PIK3R3: variants seen among roughly 807,000 people sequenced by gnomAD.
PIK3R3 encodes phosphoinositide-3-kinase regulatory subunit 3.
Under a neutral mutation model 62.9 loss-of-function variants are expected in PIK3R3, and 64 were observed. That is an observed-to-expected ratio of 1.02 (90% CI 0.83 to 1.25). The LOEUF (loss-of-function observed/expected upper bound fraction) is 1.25, where lower values mean the gene tolerates loss of function less well. Among genes scored for constraint, PIK3R3 ranks in the 50% most tolerant of loss-of-function variants. PIK3R3 has a pLI of 0.00. For missense variants in PIK3R3, 614 were observed against 561.6 expected, an observed-to-expected ratio of 1.09 and a Z score of -0.94; for synonymous variants, 165 against 189.0, an observed-to-expected ratio of 0.87 and a Z score of 1.04.
intron 7 of PIK3R3, among the ~76,000 whole-genome samples, chr1:46,049,707 G>A (rs576416964): frequency 1.3e-5 from 2 of 152,170 alleles, no homozygotes; most frequent in Non-Finnish European, 2.9e-5. Context: ...ACTTCAGGAT[G>A]ACATTCTTAC....
At chr1:46,110,275 CTTTTTT>C (rs35873858) in intron 1 of PIK3R3, among the ~76,000 whole-genome samples, 5 of 71,310 alleles carry the variant, frequency 7.0e-5, no homozygotes, top group African/African-American at 2.7e-4. Flanking sequence ...CCAGGCTTGG[CTTTTTT>C]TTTTTTTTTT....
At chr1:46,161,615 G>T in the PIK3R3 span, among the ~76,000 whole-genome samples, 2 of 151,934 alleles carry the variant, frequency 1.3e-5, no homozygotes, top group Non-Finnish European at 2.9e-5. Context: ...TGCACCTATA[G>T]TCCCAGCTAC....
intron 1 of PIK3R3, among the ~76,000 whole-genome samples, chr1:46,098,021 T>C (rs987475349): frequency 2.0e-5 from 3 of 151,566 alleles, no homozygotes; most frequent in South Asian, 2.1e-4. Context: ...AAAAAACTAC[T>C]AAAGCTAATA....
the PIK3R3 span, among the ~76,000 whole-genome samples, chr1:46,165,195 C>G: frequency 2.0e-5 from 3 of 152,058 alleles, no homozygotes; most frequent in Admixed American, 6.6e-5. Flanking sequence ...ACACATACCC[C>G]CAAACTAGGC....
chr1:46,071,650 C>A (rs1025139930), intron 3 of PIK3R3, among the ~76,000 whole-genome samples: 2 of 139,942 alleles, frequency 1.4e-5, no homozygotes, highest in African/African-American at 5.4e-5. Flanking sequence ...GCCAAGATTG[C>A]GCGCCATTAC....
At chr1:46,122,004 G>A (rs918558082) in intron 1 of PIK3R3, among the ~76,000 whole-genome samples, 2 of 151,958 alleles carry the variant, frequency 1.3e-5, no homozygotes, top group Non-Finnish European at 2.9e-5. Context: ...GGGAGGCTGA[G>A]GTGGGAAGGC....
At chr1:46,049,993 C>T (rs1287601522) in intron 7 of PIK3R3, among the ~76,000 whole-genome samples, 4 of 151,642 alleles carry the variant, frequency 2.6e-5, no homozygotes, top group African/African-American at 4.8e-5. Context: ...TGGTGGCGCA[C>T]GCCTGTAATC....
chr1:46,043,747 C>T lies in PIK3R3; in HGVS notation c.1312G>A (p.Val438Ile). 8 of 1,614,204 alleles carry T rather than the reference C, an allele frequency of 5.0e-6. No homozygotes were observed. The highest frequency in any genetic ancestry group is 6.8e-6 in the Non-Finnish European group (8 of 1,180,036). ...ACGTTGAGGGAGTCGTTGTGCTGAA[C>T]CAAGGATGTCTGCTGGTAATGGAGC... Reference protein sequence around the residue: ...LVLHYQQTSLVQHNDSLNVRL... With the variant: ...LVLHYQQTSLIQHNDSLNVRL... Residue 438 changes from valine to isoleucine, a missense_variant, in exon 10 of 10, where the codon GTT (valine) becomes ATT (isoleucine). Coordinates refer to ENST00000262741, the MANE Select transcript of PIK3R3 (RefSeq NM_003629.4).
At chr1:46,130,679 T>C (rs1021640014) in intron 1 of PIK3R3, among the ~76,000 whole-genome samples, 2 of 152,128 alleles carry the variant, frequency 1.3e-5, no homozygotes, top group African/African-American at 4.8e-5. Flanking sequence ...CTTTCAAACG[T>C]TTCCAAAAAT....
Position 46,090,492 on chromosome 1 carries a change from C to T in PIK3R3, c.107-9742G>A, listed in dbSNP as rs1047222025. Among the ~76,000 whole-genome samples, 22 of 152,062 alleles carry T rather than the reference C, an allele frequency of 1.4e-4. No individual in the cohort carries two copies. The South Asian group carries it at 4.6e-3, about 32-fold the overall frequency. ...AACTACAGGTGTGTGCCACCATGCC[C>T]GGCTAGTTTTTTTGTATTTTTAGTA... On this transcript the variant is annotated intron_variant, in intron 1 of 9. Coordinates refer to ENST00000262741, the MANE Select transcript of PIK3R3 (RefSeq NM_003629.4).
chr1:46,097,818 G>C (rs183399122), intron 1 of PIK3R3, among the ~76,000 whole-genome samples: 1 of 151,542 alleles, frequency 6.6e-6, no homozygotes. Flanking sequence ...GAACCCAGGA[G>C]GGGGAGGTTG....
chr1:46,080,091 T>G (rs2149413374), intron 2 of PIK3R3, among the ~76,000 whole-genome samples: 1 of 150,128 alleles, frequency 6.7e-6, no homozygotes. Flanking sequence ...AGACAGAGTC[T>G]CACTCTGTCG....
intron 2 of PIK3R3, among the ~76,000 whole-genome samples, chr1:46,078,845 G>A (rs183374927): frequency 3.0e-4 from 46 of 152,212 alleles, no homozygotes; most frequent in African/African-American, 4.8e-5. Context: ...CCTTGAAGAC[G>A]TATGAAGAAA....
At chr1:46,173,655 C>T in the PIK3R3 span, among the ~76,000 whole-genome samples, 1 of 152,180 alleles carries the variant, frequency 6.6e-6, no homozygotes, top group Non-Finnish European at 1.5e-5. Context: ...CTGCTGCTGC[C>T]TCTGGGAGCC....
Position 46,092,581 on chromosome 1 carries a change from T to A in PIK3R3, c.107-11831A>T, listed in dbSNP as rs141119166. Among the ~76,000 whole-genome samples the A allele has an allele frequency of 5.5e-3, 841 of 152,228 alleles. 4 individuals are homozygous for A. Among genetic ancestry groups the A allele is most frequent in the African/African-American group, 7.6e-3 (315 of 41,514 alleles). ...GGTTTCATCATGTTAGCCAGGCTGG[T>A]CTCCATCTCCTGAACTCGTGATCCG... On this transcript the variant is annotated intron_variant, in intron 1 of 9. Coordinates refer to ENST00000262741, the MANE Select transcript of PIK3R3 (RefSeq NM_003629.4).
intron 9 of PIK3R3, 29 bp downstream of exon 9, chr1:46,045,889 A>G (rs763885452): frequency 1.3e-6 from 2 of 1,580,658 alleles, no homozygotes; most frequent in Admixed American, 1.7e-5. Flanking sequence ...AAAAGATTTC[A>G]AAAGGTTATA....
the PIK3R3 span, among the ~76,000 whole-genome samples, chr1:46,162,417 AC>A: frequency 1.3e-5 from 2 of 149,806 alleles, no homozygotes; most frequent in African/African-American, 4.9e-5. Flanking sequence ...GTTGCAGTGA[AC>A]CGAGATCGTC....
chr1:46,060,142 T>C (rs1355930576), intron 6 of PIK3R3, among the ~76,000 whole-genome samples: 2 of 151,556 alleles, frequency 1.3e-5, no homozygotes, highest in Admixed American at 6.6e-5. Context: ...GCTACTTTAC[T>C]TCCCTCTGCA....
rs1348743636 is a variant in PIK3R3, at chr1:46,042,734, G to C, written c.*939C>G. Reference sequence around the variant, plus strand: ...TTACTCATACAAACAAGTTACAAAGGTTTCAAACAACAGATCATTCTTTAG... The same window carrying C: ...TTACTCATACAAACAAGTTACAAAGCTTTCAAACAACAGATCATTCTTTAG... On this transcript the variant is annotated 3_prime_UTR_variant, in exon 10 of 10. Coordinates refer to ENST00000262741, the MANE Select transcript of PIK3R3 (RefSeq NM_003629.4). The surrounding 1 kb of genome is among the most constrained non-coding windows in gnomAD (Gnocchi z 4.3). The C allele has an allele frequency of 4.9e-6, 1 of 204,216 alleles. No individual in the cohort carries two copies. The highest frequency in any genetic ancestry group is 7.5e-5 in the East Asian group (1 of 13,258). The allele number at this position is 204,216 out of a possible 1,614,324, so 12.7% of individuals were successfully genotyped here. A position where few individuals can be genotyped will look rare whatever the true frequency, so the allele number is the denominator to read the frequency against.
Sources: allele counts gnomAD v4.1 joint callset (sites outside exome capture counted in the v4.1 genomes callset), GRCh38; gene constraint gnomAD v4.1.1; non-coding constraint Gnocchi (gnomAD v3.1); transcripts MANE v1.5; gene names NCBI Gene and HGNC (gene_info 2026-07-23, HGNC 2026-07-21).